Variants in ERBB4 observed in about 807,000 individuals in gnomAD.
ERBB4 encodes receptor tyrosine-protein kinase erbB-4.
Under a neutral mutation model 158.0 loss-of-function variants are expected in ERBB4, and 42 were observed. The ratio of observed to expected loss-of-function variants is 0.27; its 90% CI spans 0.21 to 0.34. The LOEUF (loss-of-function observed/expected upper bound fraction) is 0.34, where lower values mean the gene tolerates loss of function less well. Among genes scored for constraint, ERBB4 ranks in the 10% least tolerant of loss-of-function variants. The pLI is 1.00. For missense variants in ERBB4, 1,333 were observed against 1,624.1 expected, an observed-to-expected ratio of 0.82 and a Z score of 3.08; for synonymous variants, 583 against 558.7, an observed-to-expected ratio of 1.04 and a Z score of -0.61.
At chr2:211,394,693 T>G (rs770586651) in intron 25 of ERBB4, among the ~76,000 whole-genome samples, 44 of 152,120 alleles carry the variant, frequency 2.9e-4, no homozygotes, top group Non-Finnish European at 5.0e-4. Context: ...GCCTAACTGA[T>G]TCTTCAAATG....
chr2:211,720,835 C>A (rs2074067807), intron 7 of ERBB4, among the ~76,000 whole-genome samples: 1 of 152,206 alleles, frequency 6.6e-6, no homozygotes, highest in Admixed American at 6.5e-5. Context: ...ACACCGTTCT[C>A]CCATTTCTCC....
At chr2:212,176,796 C>G (rs759772630) in intron 1 of ERBB4, among the ~76,000 whole-genome samples, 1 of 151,796 alleles carries the variant, frequency 6.6e-6, no homozygotes, top group South Asian at 2.1e-4. Context: ...GATCCATCTA[C>G]GTGTATGTAT....
At chr2:211,725,967 G>A (rs568281000) in intron 5 of ERBB4, among the ~76,000 whole-genome samples, 36 of 152,078 alleles carry the variant, frequency 2.4e-4, no homozygotes, top group African/African-American at 6.5e-4. Context: ...GCATCATATC[G>A]AGGTATACTT....
At chr2:212,095,934 C>CAAAAAAAAAA (rs746751111) in intron 2 of ERBB4, among the ~76,000 whole-genome samples, 1 of 53,108 alleles carries the variant, frequency 1.9e-5, no homozygotes, top group Admixed American at 2.0e-4. Context: ...GACTCTGTCT[C>CAAAAAAAAAA]AAAAAAAAAA....
At chr2:211,858,407 T>C (rs1008353268) in intron 3 of ERBB4, among the ~76,000 whole-genome samples, 2 of 152,190 alleles carry the variant, frequency 1.3e-5, no homozygotes, top group East Asian at 3.9e-4. Flanking sequence ...TCCCTAAATC[T>C]GAAATTTAAA....
chr2:212,133,263 TTATAGCC>T (rs962535741), intron 1 of ERBB4, among the ~76,000 whole-genome samples: 7 of 152,122 alleles, frequency 4.6e-5, no homozygotes, highest in African/African-American at 1.4e-4. Context: ...TCCAAAGTTC[TTATAGCC>T]TATAAGAACT....
intron 1 of ERBB4, among the ~76,000 whole-genome samples, chr2:212,306,738 A>G (rs932671261): frequency 6.6e-6 from 1 of 151,136 alleles, no homozygotes; most frequent in Admixed American, 6.6e-5. Flanking sequence ...TAGTGTTCTA[A>G]TTTACTTCTT....
chr2:212,533,737 G>T (rs1692881908), intron 1 of ERBB4, among the ~76,000 whole-genome samples: 1 of 152,060 alleles, frequency 6.6e-6, no homozygotes, highest in Non-Finnish European at 1.5e-5. Context: ...ATGTAATTTG[G>T]TTCCATATGG....
intron 2 of ERBB4, among the ~76,000 whole-genome samples, chr2:212,020,897 G>C (rs189615479): frequency 2.0e-4 from 30 of 152,088 alleles, no homozygotes; most frequent in Non-Finnish European, 4.0e-4. Context: ...TTTTGTTATA[G>C]TTCATATTTT....
intron 1 of ERBB4, among the ~76,000 whole-genome samples, chr2:212,327,204 A>G (rs1264107783): frequency 6.6e-6 from 1 of 151,386 alleles, no homozygotes; most frequent in African/African-American, 2.4e-5. Flanking sequence ...GTTACTATTA[A>G]TAACACTGAG....
At chr2:212,265,145 A>G (rs2085083844) in intron 1 of ERBB4, among the ~76,000 whole-genome samples, 1 of 152,106 alleles carries the variant, frequency 6.6e-6, no homozygotes, top group African/African-American at 2.4e-5. Flanking sequence ...CAAAGGGAAG[A>G]CAAATAGGAC....
intron 20 of ERBB4, among the ~76,000 whole-genome samples, chr2:211,558,244 G>T (rs1288418677): frequency 2.0e-5 from 3 of 152,170 alleles, no homozygotes; most frequent in African/African-American, 7.2e-5. Context: ...TTCTAAGAGA[G>T]TCTGTTTCCT....
At chr2:212,113,767 A>T (rs1306702290) in intron 2 of ERBB4, among the ~76,000 whole-genome samples, 2 of 152,032 alleles carry the variant, frequency 1.3e-5, no homozygotes, top group African/African-American at 4.8e-5. Flanking sequence ...TCTATGTAAG[A>T]GTGTAAATAT....
At chr2:211,444,035 C>T (rs1194664203) in intron 20 of ERBB4, among the ~76,000 whole-genome samples, 1 of 152,048 alleles carries the variant, frequency 6.6e-6, no homozygotes, top group African/African-American at 2.4e-5. Context: ...CTGCCAACCA[C>T]ATCTCCTGAT....
At chr2:212,256,170 G>A (rs1031569494) in intron 1 of ERBB4, among the ~76,000 whole-genome samples, 22 of 151,990 alleles carry the variant, frequency 1.4e-4, no homozygotes, top group African/African-American at 5.1e-4. Context: ...TATTTATTCT[G>A]CCAAAGACAC....
intron 20 of ERBB4, 121 bp downstream of exon 20, chr2:211,561,782 C>A (rs528014680): frequency 1.1e-6 from 1 of 879,164 alleles, no homozygotes; most frequent in East Asian, 2.5e-5. Context: ...TCTTTCATTG[C>A]AGCAAATATA....
rs367841880 is a variant in ERBB4 at position 211,712,136 on chromosome 2, C to T, written c.1038G>A (p.Gln346=). The change falls in exon 9 of 28, where the codon CAG becomes CAA. Residue 346 remains glutamine (Q), a synonymous_variant. Coordinates refer to ENST00000342788, the MANE Select transcript of ERBB4 (RefSeq NM_005235.3). ...GIGTGSLMSA[Q]TVDSSNIDKF... ...TGTCAATGTTACTGGAATCCACAGT[C>T]TGAGCTGACATCAATGATCCTGTGC... The T allele has an allele frequency of 1.5e-5, 24 of 1,612,990 alleles. No homozygotes were observed. The highest frequency in any genetic ancestry group is 1.9e-5 in the Non-Finnish European group (22 of 1,179,174).
chr2:211,993,616 G>A (rs1348346955), intron 2 of ERBB4, among the ~76,000 whole-genome samples: 9 of 147,894 alleles, frequency 6.1e-5, no homozygotes, highest in African/African-American at 2.0e-4. Flanking sequence ...TTTTTCTAAT[G>A]TACTAAAGAA....
chr2:211,513,780 C>T lies in ERBB4; in HGVS notation c.2487+48123G>A, dbSNP rs530041454. 1.2e-4 allele frequency among the ~76,000 whole-genome samples: 19 copies of T among 152,110 alleles called. 1 individual carries two copies. The South Asian group carries it at 3.9e-3, about 32-fold the overall frequency. ...GAAGAAATACAATACAGGCTCAGGG[C>T]TCCAGACTACTAAAACAAGTGATGA... On this transcript the variant is annotated intron_variant, in intron 20 of 27. Transcript: ENST00000342788.
Sources: gnomAD v4.1 joint callset for allele counts (sites outside exome capture counted in the v4.1 genomes callset) on GRCh38, gnomAD v4.1.1 for gene constraint, MANE v1.5 for transcripts, NCBI Gene and HGNC (gene_info 2026-07-23, HGNC 2026-07-21) for gene names.